Variants in CDH13 observed in about 807,000 individuals in gnomAD.
CDH13 encodes cadherin-13.
CDH13 carries 24 observed loss-of-function variants against 63.8 expected under a neutral mutation model. The ratio of observed to expected loss-of-function variants is 0.38; its 90% CI spans 0.27 to 0.53. The LOEUF (loss-of-function observed/expected upper bound fraction) is 0.53. CDH13 is among the 20% of genes least tolerant of loss of function. The probability of loss-of-function intolerance (pLI) is 0.85; values close to 1 mark genes in which losing one functional copy is unlikely to be tolerated. For missense variants in CDH13, 1,049 were observed against 903.1 expected, an observed-to-expected ratio of 1.16 and a Z score of -2.07; for synonymous variants, 503 against 355.3, an observed-to-expected ratio of 1.42 and a Z score of -4.67.
intron 6 of CDH13, among the ~76,000 whole-genome samples, chr16:83,379,938 T>TATAGAGAGAGAGAGAGAGAG: frequency 9.7e-5 from 12 of 123,440 alleles, no homozygotes; most frequent in Non-Finnish European, 1.6e-4. Flanking sequence ...TATATATATA[T>TATAGAGAGAGAGAGAGAGAG]AGAGAGAGAG....
intron 6 of CDH13, among the ~76,000 whole-genome samples, chr16:83,391,965 G>C (rs139563921): frequency 1.3e-5 from 2 of 152,228 alleles, no homozygotes; most frequent in South Asian, 4.1e-4. Flanking sequence ...AGGGTCATTC[G>C]AAATGTATGT....
intron 6 of CDH13, among the ~76,000 whole-genome samples, chr16:83,417,504 C>A (rs867734024): frequency 6.6e-6 from 1 of 152,182 alleles, no homozygotes; most frequent in South Asian, 2.1e-4. Context: ...TGCCTTCTTG[C>A]CTTTCCAATT....
At chr16:83,559,136 G>T (rs1344914978) in intron 7 of CDH13, among the ~76,000 whole-genome samples, 2 of 152,248 alleles carry the variant, frequency 1.3e-5, no homozygotes, top group Non-Finnish European at 2.9e-5. Context: ...AGTGAAGACA[G>T]AGAAATGCAA....
At chr16:83,215,584 C>T (rs1266927125) in intron 4 of CDH13, among the ~76,000 whole-genome samples, 2 of 151,192 alleles carry the variant, frequency 1.3e-5, no homozygotes, top group African/African-American at 2.4e-5. Context: ...GGCACCATTG[C>T]CACCTGGTGT....
At chr16:82,748,221 G>C (rs1403230061) in intron 1 of CDH13, among the ~76,000 whole-genome samples, 1 of 152,174 alleles carries the variant, frequency 6.6e-6, no homozygotes, top group Admixed American at 6.5e-5. Flanking sequence ...ACGAAGAAAA[G>C]AGGCTGGATC....
intron 6 of CDH13, among the ~76,000 whole-genome samples, chr16:83,385,305 C>T (rs771006521): frequency 1.3e-5 from 2 of 152,158 alleles, no homozygotes; most frequent in East Asian, 3.9e-4. Context: ...CCTCATTAGG[C>T]AGCTAAGGCA....
At chr16:83,694,477 C>A (rs1905191200) in intron 10 of CDH13, among the ~76,000 whole-genome samples, 1 of 152,212 alleles carries the variant, frequency 6.6e-6, no homozygotes, top group South Asian at 2.1e-4. Context: ...CAAAACCCTT[C>A]CACAAGTGTG....
intron 6 of CDH13, among the ~76,000 whole-genome samples, chr16:83,459,513 A>C (rs1211154243): frequency 6.6e-6 from 1 of 152,240 alleles, no homozygotes; most frequent in Non-Finnish European, 1.5e-5. Flanking sequence ...GTGAAACTAA[A>C]AACTTTTTTA....
At chr16:83,246,311 A>G (rs1402832266) in intron 5 of CDH13, among the ~76,000 whole-genome samples, 1 of 152,198 alleles carries the variant, frequency 6.6e-6, no homozygotes, top group African/African-American at 2.4e-5. Flanking sequence ...TTAGCAAATT[A>G]TAATTTTCCC....
intron 5 of CDH13, among the ~76,000 whole-genome samples, chr16:83,284,139 C>G (rs1156571936): frequency 6.6e-6 from 1 of 152,096 alleles, no homozygotes; most frequent in Non-Finnish European, 1.5e-5. Flanking sequence ...TTTCAAAGAG[C>G]ATGTATTTCT....
At chr16:83,194,341 C>T (rs76568626) in intron 4 of CDH13, among the ~76,000 whole-genome samples, 9,133 of 152,164 alleles carry the variant, frequency 0.06, 450 homozygotes, top group African/African-American at 0.14. Context: ...GCAGATCCAG[C>T]GTAATTTTAA....
chr16:83,411,808 T>C (rs537008919), intron 6 of CDH13, among the ~76,000 whole-genome samples: 39 of 152,346 alleles, frequency 2.6e-4, no homozygotes, highest in Admixed American at 6.5e-4. Context: ...CTAACAAGTA[T>C]GGAGCATCTC....
At chr16:83,693,820 T>G (rs1249084452) in intron 10 of CDH13, among the ~76,000 whole-genome samples, 1 of 152,206 alleles carries the variant, frequency 6.6e-6, no homozygotes, top group African/African-American at 2.4e-5. Flanking sequence ...GGGATTAAAT[T>G]TATCAGTATT....
At chr16:83,658,161 A>C (rs1452154718) in intron 8 of CDH13, among the ~76,000 whole-genome samples, 1 of 123,544 alleles carries the variant, frequency 8.1e-6, no homozygotes, top group African/African-American at 3.2e-5. Flanking sequence ...ACCAGGTCCC[A>C]TGTCCTCACC....
intron 2 of CDH13, among the ~76,000 whole-genome samples, chr16:83,013,893 C>G (rs1914410490): frequency 6.6e-6 from 1 of 152,076 alleles, no homozygotes; most frequent in East Asian, 1.9e-4. Context: ...CCCTGAGTTT[C>G]CTGTTGGAAA....
At chr16:83,643,283 TA>T (rs1195185794) in intron 8 of CDH13, among the ~76,000 whole-genome samples, 12,371 of 93,872 alleles carry the variant, frequency 0.13, 1,284 homozygotes, top group Middle Eastern at 0.23. Context: ...TAGAGTATAA[TA>T]AAAAAAAAAA....
chr16:83,027,112 C>T (rs11639659), intron 2 of CDH13, among the ~76,000 whole-genome samples: 13 of 144,384 alleles, frequency 9.0e-5, no homozygotes, highest in African/African-American at 1.5e-4. Flanking sequence ...ACCCCCCCCC[C>T]CCACCGCCCC....
chr16:82,868,436 TA>T (rs2040227403), intron 2 of CDH13, among the ~76,000 whole-genome samples: 1 of 152,166 alleles, frequency 6.6e-6, no homozygotes, highest in South Asian at 2.1e-4. Context: ...AATACTATAA[TA>T]AAATGACGTA....
intron 7 of CDH13, among the ~76,000 whole-genome samples, chr16:83,510,662 C>T (rs891182779): frequency 3.9e-5 from 6 of 152,150 alleles, no homozygotes; most frequent in African/African-American, 7.2e-5. Flanking sequence ...GCTCTCAACA[C>T]CAATGTTTCA....
Sources: gnomAD v4.1 joint callset for allele counts (sites outside exome capture counted in the v4.1 genomes callset) on GRCh38, gnomAD v4.1.1 for gene constraint, MANE v1.5 for transcripts, NCBI Gene and HGNC (gene_info 2026-07-23, HGNC 2026-07-21) for gene names.